SLC9C1: variants seen among roughly 807,000 people sequenced by gnomAD.
SLC9C1 encodes sodium/hydrogen exchanger 10.
Under a neutral mutation model 140.9 loss-of-function variants are expected in SLC9C1, and 97 were observed. The observed-to-expected ratio is 0.69, with a 90% CI of 0.58 to 0.82. The LOEUF (loss-of-function observed/expected upper bound fraction) is 0.82, where lower values mean the gene tolerates loss of function less well. Among genes scored for constraint, SLC9C1 ranks in the 40% least tolerant of loss-of-function variants. SLC9C1 has a pLI of 0.00. For synonymous variants in SLC9C1, 440 were observed against 442.6 expected, an observed-to-expected ratio of 0.99 and a Z score of 0.07; for missense variants, 1,340 against 1,389.3, an observed-to-expected ratio of 0.96 and a Z score of 0.56.
Position 112,162,185 on chromosome 3 carries a change from T to G in SLC9C1, c.3364+5036A>C, listed in dbSNP as rs2075321601. Reference sequence around the variant, plus strand: ...GAGATTTTGGGCTGAGACAATGGGGTTATCTAGATATACAATCATGTCATC... The same window carrying G: ...GAGATTTTGGGCTGAGACAATGGGGGTATCTAGATATACAATCATGTCATC... On this transcript the variant is annotated intron_variant, in intron 26 of 28. Transcript: ENST00000305815. Among the ~76,000 whole-genome samples the G allele has an allele frequency of 2.0e-5, 3 of 152,152 alleles. 1 individual carries two copies. Among genetic ancestry groups the G allele is most frequent in the Admixed American group, 2.0e-4 (3 of 15,274 alleles).
intron 23 of SLC9C1, among the ~76,000 whole-genome samples, chr3:112,170,361 A>G (rs1306144295): frequency 1.3e-5 from 2 of 151,962 alleles, no homozygotes; most frequent in South Asian, 2.1e-4. Flanking sequence ...TTTCATGTGC[A>G]TTTTTCTGAT....
At chr3:112,147,512 T>G (rs2074836285) in intron 28 of SLC9C1, 1 of 423,346 alleles carries the variant, frequency 2.4e-6, no homozygotes, top group South Asian at 1.7e-5. Flanking sequence ...CTTTCTTGTC[T>G]GGAAAGTTAA....
At chr3:112,278,068 T>C (rs2080263686) in intron 4 of SLC9C1, among the ~76,000 whole-genome samples, 1 of 152,170 alleles carries the variant, frequency 6.6e-6, no homozygotes, top group Non-Finnish European at 1.5e-5. Flanking sequence ...CTGTTCTTTT[T>C]TATTTCATCT....
chr3:112,261,852 C>T (rs1034139825), intron 10 of SLC9C1, among the ~76,000 whole-genome samples: 1 of 151,982 alleles, frequency 6.6e-6, no homozygotes, highest in African/African-American at 2.4e-5. Context: ...GTGTGCTAGG[C>T]TGGCTCTTAC....
intron 7 of SLC9C1, among the ~76,000 whole-genome samples, 158 bp downstream of exon 7, chr3:112,269,758 C>T (rs986716996): frequency 6.6e-6 from 1 of 151,924 alleles, no homozygotes; most frequent in Non-Finnish European, 1.5e-5. Flanking sequence ...TATAGATATT[C>T]ATATGTTTAA....
At chr3:112,236,748 G>A (rs2078997818) in intron 12 of SLC9C1, among the ~76,000 whole-genome samples, 1 of 152,188 alleles carries the variant, frequency 6.6e-6, no homozygotes, top group African/African-American at 2.4e-5. Flanking sequence ...TTCAGGAGCA[G>A]GTTGTTTAGT....
At chr3:112,173,196 ACAC>A (rs1347971213) in intron 23 of SLC9C1, among the ~76,000 whole-genome samples, 2 of 152,230 alleles carry the variant, frequency 1.3e-5, no homozygotes, top group African/African-American at 4.8e-5. Context: ...TGTGGGAAGG[ACAC>A]AAATTCCAAA....
intron 17 of SLC9C1, among the ~76,000 whole-genome samples, chr3:112,203,138 G>A (rs934294604): frequency 6.6e-6 from 1 of 151,866 alleles, no homozygotes; most frequent in Non-Finnish European, 1.5e-5. Context: ...TAGATTACTC[G>A]TGATTTTTCT....
At chr3:112,209,041 A>T (rs2078130460) in intron 15 of SLC9C1, among the ~76,000 whole-genome samples, 1 of 152,322 alleles carries the variant, frequency 6.6e-6, no homozygotes, top group East Asian at 1.9e-4. Context: ...GATTTACTTT[A>T]ATATTTTAAT....
chr3:112,202,531 G>T, intron 17 of SLC9C1, 132 bp from the exon 18 acceptor site: 1 of 833,972 alleles, frequency 1.2e-6, no homozygotes, highest in African/African-American at 1.8e-5. Context: ...ACCTGTCAAG[G>T]TTCTTTGTTA....
At chr3:112,150,807 TATAAATACATATAC>T (rs2074941886) in intron 28 of SLC9C1, among the ~76,000 whole-genome samples, 1 of 48,440 alleles carries the variant, frequency 2.1e-5, no homozygotes, top group Non-Finnish European at 3.9e-5. Context: ...TATATATATA[TATAAATACATATAC>T]ATATATATAT....
At chr3:112,146,957 T>C (rs1181901186) in intron 28 of SLC9C1, among the ~76,000 whole-genome samples, 1 of 152,230 alleles carries the variant, frequency 6.6e-6, no homozygotes, top group African/African-American at 2.4e-5. Flanking sequence ...TAGAAGTATG[T>C]GTTTTATGAA....
intron 14 of SLC9C1, among the ~76,000 whole-genome samples, chr3:112,219,099 C>T (rs563514866): frequency 3.9e-5 from 6 of 152,222 alleles, no homozygotes; most frequent in African/African-American, 1.4e-4. Flanking sequence ...TAAAACTGTA[C>T]CTGGTATGAC....
intron 20 of SLC9C1, among the ~76,000 whole-genome samples, chr3:112,188,082 C>T (rs1442454653): frequency 6.6e-6 from 1 of 152,054 alleles, no homozygotes; most frequent in Admixed American, 6.5e-5. Flanking sequence ...ACTTGCATGG[C>T]CATACTACAA....
chr3:112,238,345 G>T (rs1180496627), intron 12 of SLC9C1, among the ~76,000 whole-genome samples: 3 of 152,182 alleles, frequency 2.0e-5, no homozygotes, highest in African/African-American at 4.8e-5. Flanking sequence ...GGTTATTCTA[G>T]TTAGCCATTC....
chr3:112,233,980 C>T (rs1472544333), intron 12 of SLC9C1, among the ~76,000 whole-genome samples: 2 of 152,130 alleles, frequency 1.3e-5, no homozygotes, highest in Non-Finnish European at 2.9e-5. Flanking sequence ...TTTTATAATC[C>T]TTTGGGTATA....
chr3:112,171,047 C>T (rs1192203462), intron 23 of SLC9C1, among the ~76,000 whole-genome samples: 1 of 152,100 alleles, frequency 6.6e-6, no homozygotes, highest in Admixed American at 6.6e-5. Context: ...AATGCCGTCT[C>T]TACTAAAAAT....
intron 22 of SLC9C1, among the ~76,000 whole-genome samples, chr3:112,180,262 C>G (rs371020514): frequency 4.6e-4 from 70 of 152,336 alleles, no homozygotes; most frequent in African/African-American, 1.6e-3. Flanking sequence ...TGGCTCACGC[C>G]TGTAACCCCA....
intron 21 of SLC9C1, 58 bp downstream of exon 21, chr3:112,182,070 CTTATT>C (rs1245832299): frequency 1.7e-6 from 2 of 1,163,584 alleles, no homozygotes; most frequent in South Asian, 2.5e-5. Context: ...TGGTTAAATT[CTTATT>C]TTAAAGATTA....
Sources: gnomAD v4.1 joint callset for allele counts (sites outside exome capture counted in the v4.1 genomes callset) on GRCh38, gnomAD v4.1.1 for gene constraint, MANE v1.5 for transcripts, NCBI Gene and HGNC (gene_info 2026-07-23, HGNC 2026-07-21) for gene names.